Variants in ATG4B observed in about 807,000 individuals in gnomAD.
ATG4B encodes autophagy related 4B cysteine peptidase.
In ATG4B, 29 loss-of-function variants were observed where a neutral mutation model predicts 56.6. The observed-to-expected ratio is 0.51, with a 90% CI of 0.38 to 0.70. ATG4B has a LOEUF of 0.70. ATG4B is among the 30% of genes least tolerant of loss of function. The pLI is 0.00. For missense variants in ATG4B, 461 were observed against 515.5 expected (o/e 0.89, Z 1.02); for synonymous variants, 224 against 206.1 (o/e 1.09, Z -0.74).
intron 1 of ATG4B, among the ~76,000 whole-genome samples, chr2:241,641,549 CAAA>C (rs774218463): frequency 1.3e-4 from 9 of 70,692 alleles, no homozygotes; most frequent in East Asian, 4.3e-4. Flanking sequence ...GACTCTGTCT[CAAA>C]AAAAAAAAAA....
At chr2:241,641,507 G>A (rs544069527) in intron 1 of ATG4B, among the ~76,000 whole-genome samples, 8 of 148,978 alleles carry the variant, frequency 5.4e-5, no homozygotes, top group East Asian at 3.9e-4. Context: ...CCAAGACTGC[G>A]CCACTGCACT....
chr2:241,658,622 T>TCACTGGCGTG (rs201457570), intron 6 of ATG4B, among the ~76,000 whole-genome samples: 3,702 of 151,768 alleles, frequency 0.024, 209 homozygotes, highest in East Asian at 0.19. Context: ...TGGTTCCTCC[T>TCACTGGCGTG]CACTGGCGTG....
At chr2:241,656,751 G>T (rs573183789) in intron 6 of ATG4B, among the ~76,000 whole-genome samples, 1 of 151,988 alleles carries the variant, frequency 6.6e-6, no homozygotes, top group Non-Finnish European at 1.5e-5. Context: ...CAGAGCCCGT[G>T]CTGGCCCCAG....
chr2:241,641,616 T>C (rs1458664674), intron 1 of ATG4B, among the ~76,000 whole-genome samples: 1 of 151,830 alleles, frequency 6.6e-6, no homozygotes, highest in Non-Finnish European at 1.5e-5. Flanking sequence ...TGGGAAGCTT[T>C]CTGTTGCGAG....
rs543297423 is a variant in ATG4B at position 241,668,851 on chromosome 2, T to A, written c.957+166T>A. The A allele has an allele frequency of 7.8e-6, 8 of 1,022,994 alleles. No homozygotes were observed. Among genetic ancestry groups the A allele is most frequent in the Non-Finnish European group, 9.8e-6 (7 of 714,200 alleles). The allele number at this position is 1,022,994 out of a possible 1,614,324, so 63.4% of individuals were successfully genotyped here. On this transcript the variant is annotated intron_variant, in intron 10 of 12. Coordinates refer to ENST00000404914, the MANE Select transcript of ATG4B (RefSeq NM_013325.5). The surrounding 1 kb of genome is among the most constrained non-coding windows in gnomAD (Gnocchi z 4.2). ...GGTATAAGAGCCGGAACTGTGTCCT[T>A]GCACCCTCACGTCCCTCCCCCAGGC... is the stretch of plus-strand genomic sequence containing the variant.
At chr2:241,652,028 C>T (rs2068243033) in intron 3 of ATG4B, 12 of 1,244,570 alleles carry the variant, frequency 9.6e-6, no homozygotes, top group Middle Eastern at 2.6e-4. Flanking sequence ...GGTTTGGTCC[C>T]TCTTCTAGGG....
intron 12 of ATG4B, 24 bp from the exon 13 acceptor site, chr2:241,672,167 T>C: frequency 6.4e-7 from 1 of 1,562,334 alleles, no homozygotes; most frequent in Non-Finnish European, 8.7e-7. Context: ...AGATGCCTGA[T>C]GCGCTATGTC....
At chr2:241,639,783 C>T (rs2067830191) in intron 1 of ATG4B, among the ~76,000 whole-genome samples, 1 of 152,116 alleles carries the variant, frequency 6.6e-6, no homozygotes, top group Non-Finnish European at 1.5e-5. Flanking sequence ...AACAAAGTCA[C>T]TACTCAAAGG....
rs566311832 is a variant in ATG4B, at chr2:241,655,511, G to A, written c.458+168G>A. ...GACTGTGTTGAGGTCTTGTGAATAG[G>A]AATTTATGTTTTCTAACAAAATGAA... is the stretch of plus-strand genomic sequence containing the variant. On this transcript the variant is annotated intron_variant, in intron 6 of 12. Transcript: ENST00000404914. 14 of 672,176 alleles carry A rather than the reference G, an allele frequency of 2.1e-5. No homozygotes were observed. In the East Asian group the frequency reaches 2.2e-4, roughly 11 times the overall value. The allele number at this position is 672,176 out of a possible 1,614,324, so 41.6% of individuals were successfully genotyped here. A position where few individuals can be genotyped will look rare whatever the true frequency, so the allele number is the denominator to read the frequency against.
At chr2:241,650,941 A>G (rs1325181384) in intron 1 of ATG4B, 69 bp from the exon 2 acceptor site, 2 of 1,292,660 alleles carry the variant, frequency 1.5e-6, no homozygotes, top group Admixed American at 4.1e-5. Context: ...AATGCTGTAA[A>G]TGGCCTCTTT....
intron 6 of ATG4B, among the ~76,000 whole-genome samples, chr2:241,657,817 A>G (rs2068454903): frequency 6.6e-6 from 1 of 152,124 alleles, no homozygotes; most frequent in African/African-American, 2.4e-5. Context: ...TGCATAAAAC[A>G]TATTGGCCAC....
intron 6 of ATG4B, among the ~76,000 whole-genome samples, chr2:241,655,704 C>T (rs2068377554): frequency 1.3e-5 from 2 of 152,120 alleles, no homozygotes; most frequent in Non-Finnish European, 2.9e-5. Context: ...CTGCCCTCCG[C>T]GGGCCTTGCC....
intron 1 of ATG4B, among the ~76,000 whole-genome samples, chr2:241,645,968 G>A (rs758320054): frequency 6.6e-6 from 1 of 152,170 alleles, no homozygotes; most frequent in African/African-American, 2.4e-5. Flanking sequence ...CGCCACTCCT[G>A]TTCACTGCCA....
At position 241,651,667 on chromosome 2, in the gene ATG4B, C is replaced by T. The variant is rs937617641; in HGVS notation, c.184+332C>T. ...TGTCCGCCACGGGCACGCAGCATGGCGCTTCAGGGATCTTCGTTTTCGTTT... is the reference window on the plus strand; with the variant it reads ...TGTCCGCCACGGGCACGCAGCATGGTGCTTCAGGGATCTTCGTTTTCGTTT... On this transcript the variant is annotated intron_variant, in intron 3 of 12. Coordinates refer to ENST00000404914, the MANE Select transcript of ATG4B (RefSeq NM_013325.5). The surrounding 1 kb of genome is among the most constrained non-coding windows in gnomAD (Gnocchi z 4.1). Among the ~76,000 whole-genome samples, 5 of 152,204 alleles carry T rather than the reference C, an allele frequency of 3.3e-5. No homozygotes were observed. The highest frequency in any genetic ancestry group is 6.5e-5 in the Admixed American group (1 of 15,280).
At chr2:241,665,147 A>G (rs561442795) in intron 7 of ATG4B, among the ~76,000 whole-genome samples, 1 of 152,354 alleles carries the variant, frequency 6.6e-6, no homozygotes, top group East Asian at 1.9e-4. Flanking sequence ...GTTCTGTCTC[A>G]GAATCCTTGT....
At chr2:241,666,371 G>A (rs889717218) in intron 7 of ATG4B, among the ~76,000 whole-genome samples, 3 of 152,232 alleles carry the variant, frequency 2.0e-5, no homozygotes, top group African/African-American at 4.8e-5. Context: ...TCAAGTGCAC[G>A]TGGCTTTTTC....
chr2:241,645,009 T>A (rs994022539), intron 1 of ATG4B, among the ~76,000 whole-genome samples: 2 of 151,972 alleles, frequency 1.3e-5, no homozygotes, highest in African/African-American at 4.8e-5. Flanking sequence ...TCCTCCATTA[T>A]AAAGTAAGAT....
Position 241,672,639 on chromosome 2 carries a change from A to G in ATG4B, c.*375A>G, listed in dbSNP as rs2069020585. On this transcript the variant is annotated 3_prime_UTR_variant, in exon 13 of 13. Coordinates refer to ENST00000404914, the MANE Select transcript of ATG4B (RefSeq NM_013325.5). ...CTGTTTGAAGTTGTCAGACACAGAC[A>G]TGAATTTCTGGGCGCTCCCTGAGTC... 3 of 225,334 alleles carry G rather than the reference A, an allele frequency of 1.3e-5. No homozygotes were observed. The South Asian group carries it at 1.4e-4, about 11-fold the overall frequency. The allele number at this position is 225,334 out of a possible 1,614,324, so 14.0% of individuals were successfully genotyped here. A position where few individuals can be genotyped will look rare whatever the true frequency, so the allele number is the denominator to read the frequency against.
At chr2:241,660,260 T>G (rs1325512257) in intron 7 of ATG4B, among the ~76,000 whole-genome samples, 2 of 151,782 alleles carry the variant, frequency 1.3e-5, no homozygotes, top group African/African-American at 4.8e-5. Context: ...TGGGAGTGGG[T>G]CCTGCCCTGT....
Sources: allele counts gnomAD v4.1 joint callset (sites outside exome capture counted in the v4.1 genomes callset), GRCh38; gene constraint gnomAD v4.1.1; non-coding constraint Gnocchi (gnomAD v3.1); transcripts MANE v1.5; gene names NCBI Gene and HGNC (gene_info 2026-07-23, HGNC 2026-07-21).